EVC: variants seen among roughly 807,000 people sequenced by gnomAD.
EVC encodes EvC ciliary complex subunit 1.
Under a neutral mutation model 118.9 loss-of-function variants are expected in EVC, and 116 were observed. The ratio of observed to expected loss-of-function variants is 0.98; its 90% confidence interval spans 0.84 to 1.14. EVC has a LOEUF of 1.14. Ranked by LOEUF, EVC falls within the 50% of genes most tolerant of loss-of-function variation. The probability of loss-of-function intolerance (pLI) is 0.00; values close to 1 mark genes in which losing one functional copy is unlikely to be tolerated. For synonymous variants in EVC, 619 were observed against 534.7 expected (o/e 1.16, Z -2.18); for missense variants, 1,401 against 1,246.4 (o/e 1.12, Z -1.87).
intron 17 of EVC, among the ~76,000 whole-genome samples, chr4:5,805,536 G>A (rs1159978926): frequency 6.6e-6 from 1 of 152,214 alleles, no homozygotes; most frequent in African/African-American, 2.4e-5. Flanking sequence ...GTCCTCAGAT[G>A]TGGGGCGCAG....
Position 5,812,741 on chromosome 4 carries a change from G to C in EVC, c.*1704G>C, listed in dbSNP as rs1211924872. 6.5e-6 allele frequency: 1 copy of C among 153,758 alleles called. No individual in the cohort carries two copies. The highest frequency in any genetic ancestry group is 2.4e-5 in the African/African-American group (1 of 41,476). 9.5% of individuals were successfully genotyped at this position (153,758 alleles called of 1,614,324 possible). A position where few individuals can be genotyped will look rare whatever the true frequency, so the allele number is the denominator to read the frequency against. Reference sequence around the variant, plus strand: ...TCTTCAGGGGAAGGAGCTGCCCAGAGCATCACAGGATGTTCCAGTGTCCCT... The same window carrying C: ...TCTTCAGGGGAAGGAGCTGCCCAGACCATCACAGGATGTTCCAGTGTCCCT... On this transcript the variant is annotated 3_prime_UTR_variant, in exon 21 of 21. Coordinates refer to ENST00000264956, the MANE Select transcript of EVC (RefSeq NM_153717.3).
intron 13 of EVC, among the ~76,000 whole-genome samples, chr4:5,795,590 T>C (rs1172385961): frequency 6.6e-6 from 1 of 152,194 alleles, no homozygotes; most frequent in Non-Finnish European, 1.5e-5. Flanking sequence ...AGGCGGAGGT[T>C]GCAGTGAGCT....
At chr4:5,711,757 G>T (rs1391017033) in intron 1 of EVC, among the ~76,000 whole-genome samples, 5 of 152,208 alleles carry the variant, frequency 3.3e-5, no homozygotes, top group Admixed American at 2.6e-4. Context: ...GGTCCCCTGC[G>T]GTGCCTGTTA....
rs770139825 is a variant in EVC, at chr4:5,745,357, T to C, written c.939+16T>C. On this transcript the variant is annotated intron_variant, in intron 7 of 20. Transcript: ENST00000264956. ...AATCGATAATGTGCGTGCCAGACTT[T>C]CTTTCCTGTACACAAATTTTGGTTC... The C allele has an allele frequency of 7.4e-6, 12 of 1,610,822 alleles. No individual in the cohort carries two copies. The highest frequency in any genetic ancestry group is 1.7e-5 in the Admixed American group (1 of 59,904).
Position 5,811,014 on chromosome 4 carries a change from C to A in EVC, c.2956C>A (p.Leu986Ile). Residue 986 changes from leucine (L) to isoleucine (I), a missense_variant, in exon 21 of 21, where the codon CTA (leucine) becomes ATA (isoleucine). Transcript: ENST00000264956. Reference sequence around the variant, plus strand: ...GGACAGTGGGAACTCAAAGAAGATGCTAAAGAGAAGAAGCAACTTGTAGTT... The same window carrying A: ...GGACAGTGGGAACTCAAAGAAGATGATAAAGAGAAGAAGCAACTTGTAGTT... ...AGDSGNSKKMLKRRSNL is the reference protein window; with the variant it reads ...AGDSGNSKKMIKRRSNL The A allele has an allele frequency of 6.2e-7, 1 of 1,612,684 alleles. No individual in the cohort carries two copies.
intron 7 of EVC, 64 bp from the exon 8 acceptor site, chr4:5,748,084 C>G: frequency 6.5e-7 from 1 of 1,529,842 alleles, no homozygotes; most frequent in Non-Finnish European, 9.0e-7. Context: ...CCCGAGCACG[C>G]ACCGTTTGGC....
In EVC at chr4:5,738,653, GC is replaced by G. The variant is rs1380643109; in HGVS notation, c.703-3061del. ...GAGATCTCAACTCACTGCAAACTTT[GC>G]CTCCCAGATTCAAGTGATTCTCCCG... On this transcript the variant is annotated intron_variant, in intron 5 of 20. Transcript: ENST00000264956. This position sits in a 1 kb window ranked among gnomAD's most constrained non-coding sequence, Gnocchi z 6.5. Among the ~76,000 whole-genome samples the G allele has an allele frequency of 1.3e-5, 2 of 148,436 alleles. No homozygotes were observed. Among genetic ancestry groups the G allele is most frequent in the African/African-American group, 5.0e-5 (2 of 40,088 alleles).
intron 12 of EVC, among the ~76,000 whole-genome samples, chr4:5,788,839 A>G (rs1329369052): frequency 6.6e-6 from 1 of 152,226 alleles, no homozygotes; most frequent in Non-Finnish European, 1.5e-5. Context: ...CACAGGCTGC[A>G]TGCAGCCCAA....
At chr4:5,748,425 A>G (rs941104034) in intron 8 of EVC, 119 bp downstream of exon 8, 2 of 924,436 alleles carry the variant, frequency 2.2e-6, no homozygotes, top group Non-Finnish European at 1.6e-6. Flanking sequence ...ATAGAGCCTC[A>G]GGGAAAAAAA....
At chr4:5,748,683 C>T (rs576775345) in intron 8 of EVC, among the ~76,000 whole-genome samples, 15 of 95,932 alleles carry the variant, frequency 1.6e-4, no homozygotes, top group East Asian at 3.2e-4. Context: ...CATCCATCCA[C>T]CCACCCATCC....
chr4:5,715,990 C>T (rs1301130105), intron 1 of EVC, among the ~76,000 whole-genome samples: 1 of 152,218 alleles, frequency 6.6e-6, no homozygotes, highest in Non-Finnish European at 1.5e-5. Flanking sequence ...GATCCACCTG[C>T]CTCGGCCTCC....
rs932042943 is a variant in EVC, at chr4:5,749,252, C to T, written c.1098+946C>T. Among the ~76,000 whole-genome samples, 1 of 150,418 alleles carries T rather than the reference C, an allele frequency of 6.6e-6. No individual in the cohort carries two copies. The highest frequency in any genetic ancestry group is 1.5e-5 in the Non-Finnish European group (1 of 67,864). On this transcript the variant is annotated intron_variant, in intron 8 of 20. Coordinates refer to ENST00000264956, the MANE Select transcript of EVC (RefSeq NM_153717.3). This position sits in a 1 kb window ranked among gnomAD's most constrained non-coding sequence, Gnocchi z 4.4. ...AACCCCTGGTGCATGGGTGTCCAAC[C>T]TTTTGGCTTCCCTGGGCCACATTGG...
rs1728885896 is a variant in EVC, at chr4:5,743,308, C to A, written c.801+1494C>A. ...TCAGAAAACAAGTCCTGCCAGTCTCCTACCTCACCTTATCCTCACCATCAT... is the reference window on the plus strand; with the variant it reads ...TCAGAAAACAAGTCCTGCCAGTCTCATACCTCACCTTATCCTCACCATCAT... On this transcript the variant is annotated intron_variant, in intron 6 of 20. Transcript: ENST00000264956. This position sits in a 1 kb window ranked among gnomAD's most constrained non-coding sequence, Gnocchi z 4.7. Among the ~76,000 whole-genome samples the A allele has an allele frequency of 6.6e-6, 1 of 152,156 alleles. No individual in the cohort carries two copies. The highest frequency in any genetic ancestry group is 1.5e-5 in the Non-Finnish European group (1 of 68,030).
intron 1 of EVC, among the ~76,000 whole-genome samples, chr4:5,717,093 C>G (rs184641259): frequency 1.4e-4 from 21 of 152,240 alleles, no homozygotes; most frequent in Admixed American, 1.4e-3. Context: ...CCAAGAACTC[C>G]TATCACTTTT....
chr4:5,801,353 C>G (rs1162459920), intron 15 of EVC, among the ~76,000 whole-genome samples: 1 of 152,162 alleles, frequency 6.6e-6, no homozygotes, highest in Non-Finnish European at 1.5e-5. Context: ...AGCAGTCTTT[C>G]ACCTGCTGGT....
At chr4:5,751,487 C>T (rs1730358874) in intron 8 of EVC, among the ~76,000 whole-genome samples, 1 of 152,258 alleles carries the variant, frequency 6.6e-6, no homozygotes, top group Non-Finnish European at 1.5e-5. Context: ...CTCTTGCACC[C>T]TCTAGGGTTC....
Position 5,754,026 on chromosome 4 carries a change from G to A in EVC, c.1464+93G>A. 1 of 1,532,876 alleles carries A rather than the reference G, an allele frequency of 6.5e-7. No homozygotes were observed. The highest frequency in any genetic ancestry group is 1.1e-5 in the South Asian group (1 of 88,304). The allele number at this position is 1,532,876 out of a possible 1,614,324, so 95.0% of individuals were successfully genotyped here. A position where few individuals can be genotyped will look rare whatever the true frequency, so the allele number is the denominator to read the frequency against. The stretch of plus-strand genomic sequence containing the variant: ...ACGGGACGCCGGAGGTATTCATCAG[G>A]CATGAGGTTATCTGCCTACTTCCCA... On this transcript the variant is annotated intron_variant, in intron 10 of 20. Coordinates refer to ENST00000264956, the MANE Select transcript of EVC (RefSeq NM_153717.3). This position sits in a 1 kb window ranked among gnomAD's most constrained non-coding sequence, Gnocchi z 5.8.
intron 2 of EVC, among the ~76,000 whole-genome samples, chr4:5,723,191 C>CTT (rs542977317): frequency 0.056 from 7,927 of 140,704 alleles, 779 homozygotes; most frequent in African/African-American, 0.19. Context: ...TCCTTTCCTT[C>CTT]TTTTTTTTTT....
rs531823457 is a variant in EVC, at chr4:5,813,316, C to T, written c.*2279C>T. 2.0e-5 allele frequency: 3 copies of T among 152,372 alleles called. No homozygotes were observed. The highest frequency in any genetic ancestry group is 1.3e-4 in the Admixed American group (2 of 15,306). The allele number at this position is 152,372 out of a possible 1,614,324, so 9.4% of individuals were successfully genotyped here. On this transcript the variant is annotated 3_prime_UTR_variant, in exon 21 of 21. Transcript: ENST00000264956. ...TCCCGGGTTCAAGCGATTTTCCTGC[C>T]TCAGCCTCCCCAGTAGCTGGGACTA...
Sources: gnomAD v4.1 joint callset for allele counts (sites outside exome capture counted in the v4.1 genomes callset) on GRCh38, gnomAD v4.1.1 for gene constraint, Gnocchi (gnomAD v3.1) non-coding constraint, MANE v1.5 for transcripts, NCBI Gene and HGNC (gene_info 2026-07-23, HGNC 2026-07-21) for gene names.